Variants in ABTB3 observed in about 807,000 individuals in gnomAD.
The protein encoded by ABTB3 is ankyrin repeat- and BTB/POZ domain-containing protein 3.
the ABTB3 span, among the ~76,000 whole-genome samples, chr12:107,469,984 CTT>C: frequency 8.8e-5 from 8 of 90,544 alleles, no homozygotes; most frequent in African/African-American, 4.5e-4. Flanking sequence ...TTCTTTCTTT[CTT>C]TCTTTCTTTC....
chr12:107,496,941 C>G, the ABTB3 span, among the ~76,000 whole-genome samples: 2 of 152,156 alleles, frequency 1.3e-5, no homozygotes, highest in Non-Finnish European at 2.9e-5. Flanking sequence ...ATCTTTCTTT[C>G]ATTCTGTTCC....
the ABTB3 span, among the ~76,000 whole-genome samples, chr12:107,450,866 A>T: frequency 8.3e-3 from 1,256 of 152,122 alleles, 10 homozygotes; most frequent in Non-Finnish European, 0.013. Flanking sequence ...CTTTATGTAG[A>T]TGGGGGAAGT....
the ABTB3 span, among the ~76,000 whole-genome samples, chr12:107,503,669 C>T: frequency 6.7e-6 from 1 of 149,106 alleles, no homozygotes; most frequent in Non-Finnish European, 1.5e-5. Context: ...AGGTGGGAGG[C>T]TCACTTGAGC....
chr12:107,543,692 G>T, the ABTB3 span, among the ~76,000 whole-genome samples: 1 of 152,058 alleles, frequency 6.6e-6, no homozygotes, highest in South Asian at 2.1e-4. Context: ...TTCCAGAAGG[G>T]CAGGATTAAA....
At chr12:107,562,593 G>A in the ABTB3 span, among the ~76,000 whole-genome samples, 15,139 of 152,250 alleles carry the variant, frequency 0.099, 1,123 homozygotes, top group East Asian at 0.25. Context: ...GGTCCCCTTA[G>A]GCCTGCAAAG....
chr12:107,509,635 G>A, the ABTB3 span, among the ~76,000 whole-genome samples: 1 of 152,148 alleles, frequency 6.6e-6, no homozygotes, highest in Non-Finnish European at 1.5e-5. Context: ...GGAGCTTCGG[G>A]GACACTTCCC....
the ABTB3 span, among the ~76,000 whole-genome samples, chr12:107,452,077 GTTCA>G: frequency 2.6e-5 from 4 of 151,956 alleles, no homozygotes; most frequent in South Asian, 2.1e-4. Context: ...CTGTGAGCTT[GTTCA>G]TTCATTCATT....
At chr12:107,346,467 AT>A in the ABTB3 span, among the ~76,000 whole-genome samples, 7 of 150,138 alleles carry the variant, frequency 4.7e-5, no homozygotes, top group African/African-American at 1.5e-4. Flanking sequence ...TCTGCTCTTA[AT>A]TTTTTTTTTC....
At chr12:107,356,699 C>A in the ABTB3 span, among the ~76,000 whole-genome samples, 1 of 152,228 alleles carries the variant, frequency 6.6e-6, no homozygotes. Context: ...CTCATAAATC[C>A]TGGCAATACT....
the ABTB3 span, among the ~76,000 whole-genome samples, chr12:107,419,641 T>C: frequency 6.6e-6 from 1 of 152,200 alleles, no homozygotes; most frequent in Non-Finnish European, 1.5e-5. Flanking sequence ...CCTTGGCTTC[T>C]CACCTATAAA....
chr12:107,442,034 G>A, the ABTB3 span, among the ~76,000 whole-genome samples: 1,143 of 152,232 alleles, frequency 7.5e-3, 9 homozygotes, highest in African/African-American at 0.026. Flanking sequence ...TCCCAGAGAC[G>A]CGATTTTAGT....
At chr12:107,390,476 C>T in the ABTB3 span, among the ~76,000 whole-genome samples, 1 of 152,176 alleles carries the variant, frequency 6.6e-6, no homozygotes, top group African/African-American at 2.4e-5. Flanking sequence ...GTGTGCTTGC[C>T]ACTTTCAATC....
At chr12:107,523,218 G>C in the ABTB3 span, among the ~76,000 whole-genome samples, 1 of 152,182 alleles carries the variant, frequency 6.6e-6, no homozygotes, top group African/African-American at 2.4e-5. Flanking sequence ...TGCACCTCTG[G>C]AAAGGGAGTC....
chr12:107,651,623 T>A, the ABTB3 span: 12 of 1,332,640 alleles, frequency 9.0e-6, no homozygotes, highest in South Asian at 1.4e-4. Flanking sequence ...TATTGTTACC[T>A]CCTTTCCATC....
chr12:107,395,371 C>G, the ABTB3 span, among the ~76,000 whole-genome samples: 1 of 152,186 alleles, frequency 6.6e-6, no homozygotes, highest in African/African-American at 2.4e-5. Context: ...TTTAAGACCA[C>G]CGGAGGCTCA....
chr12:107,576,060 CAA>C, the ABTB3 span, among the ~76,000 whole-genome samples: 1 of 152,192 alleles, frequency 6.6e-6, no homozygotes, highest in Admixed American at 6.5e-5. Flanking sequence ...CAGCACTGTA[CAA>C]TCTTCAAATG....
the ABTB3 span, among the ~76,000 whole-genome samples, chr12:107,603,944 C>T: frequency 2.6e-3 from 388 of 151,940 alleles, 2 homozygotes; most frequent in Non-Finnish European, 1.7e-3. Context: ...CTGAGGCAGG[C>T]GGATCACAAG....
chr12:107,530,885 T>TA, the ABTB3 span, among the ~76,000 whole-genome samples: 2 of 152,170 alleles, frequency 1.3e-5, no homozygotes, highest in African/African-American at 4.8e-5. Context: ...AGTCAGGAGT[T>TA]ATGAGTAGTT....
chr12:107,621,614 C>A, the ABTB3 span, among the ~76,000 whole-genome samples: 19 of 152,126 alleles, frequency 1.2e-4, no homozygotes, highest in African/African-American at 4.1e-4. Flanking sequence ...GAAAAGTGCC[C>A]AGCTCATAAC....
Sources: gnomAD v4.1 joint callset for allele counts (sites outside exome capture counted in the v4.1 genomes callset) on GRCh38, gnomAD v4.1.1 for gene constraint, MANE v1.5 for transcripts, NCBI Gene and HGNC (gene_info 2026-07-23, HGNC 2026-07-21) for gene names.